The following OGFRL1 variants were observed in gnomAD, a reference collection of about 807,000 sequenced individuals.
OGFRL1 encodes opioid growth factor receptor like 1, also known as opioid growth factor receptor-like protein 1.
OGFRL1 carries 26 observed loss-of-function variants against 32.4 expected under a neutral mutation model. That is an observed-to-expected ratio of 0.80 (90% confidence interval 0.59 to 1.11). OGFRL1 has a LOEUF of 1.11. OGFRL1 is among the 50% of genes most tolerant of loss of function. OGFRL1 has a pLI of 0.00. For missense variants in OGFRL1, 521 were observed against 546.4 expected, an observed-to-expected ratio of 0.95 and a Z score of 0.46; for synonymous variants, 211 against 201.2, an observed-to-expected ratio of 1.05 and a Z score of -0.41.
rs1766546642 is a variant in OGFRL1 at position 71,306,195 on chromosome 6, G to A, written c.*4146G>A. The A allele has an allele frequency of 6.6e-6, 1 of 152,160 alleles. No homozygotes were observed. Among genetic ancestry groups the A allele is most frequent in the African/African-American group, 2.4e-5 (1 of 41,442 alleles). The allele number at this position is 152,160 out of a possible 1,614,324, so 9.4% of individuals were successfully genotyped here. The stretch of plus-strand genomic sequence containing the variant: ...TTTAGACACACTAGAATCATTAAAT[G>A]TAGGTGAAGTTGTAGAGAAAAATGG... On this transcript the variant is annotated 3_prime_UTR_variant, in exon 7 of 7. Coordinates refer to ENST00000370435, the MANE Select transcript of OGFRL1 (RefSeq NM_024576.5).
In OGFRL1 at chr6:71,293,395, G is replaced by A. The variant is rs1766107480; in HGVS notation, c.321+16G>A. The A allele has an allele frequency of 6.2e-7, 1 of 1,608,120 alleles. No individual in the cohort carries two copies. Among genetic ancestry groups the A allele is most frequent in the South Asian group, 1.1e-5 (1 of 90,056 alleles). ...CCAGTACCCAGTAAGAGTATAGAAT[G>A]CTATGTTTTAAACTGTAAACTATTT... On this transcript the variant is annotated intron_variant, in intron 2 of 6. Coordinates refer to ENST00000370435, the MANE Select transcript of OGFRL1 (RefSeq NM_024576.5).
At position 71,308,601 on chromosome 6, in the gene OGFRL1, G is replaced by T. The variant is rs547144617; in HGVS notation, c.*6552G>T. ...GTATGAATTACAGAATGCTGTGCAT[G>T]TTCGTTAGTACCAATACCATGTGTA... On this transcript the variant is annotated 3_prime_UTR_variant, in exon 7 of 7. Coordinates refer to ENST00000370435, the MANE Select transcript of OGFRL1 (RefSeq NM_024576.5). The T allele has an allele frequency of 2.0e-5, 3 of 152,134 alleles. No individual in the cohort carries two copies. Among genetic ancestry groups the T allele is most frequent in the Admixed American group, 1.3e-4 (2 of 15,264 alleles). The allele number at this position is 152,134 out of a possible 1,614,324, so 9.4% of individuals were successfully genotyped here.
At position 71,308,844 on chromosome 6, in the gene OGFRL1, G is replaced by A. The variant is rs762545504; in HGVS notation, c.*6795G>A. On this transcript the variant is annotated 3_prime_UTR_variant, in exon 7 of 7. Coordinates refer to ENST00000370435, the MANE Select transcript of OGFRL1 (RefSeq NM_024576.5). Reference sequence around the variant, plus strand: ...AGAACTATTGCCAAATATACATCCTGTAAAACTAATAAAAGCCACTCCATC... The same window carrying A: ...AGAACTATTGCCAAATATACATCCTATAAAACTAATAAAAGCCACTCCATC... 1 of 151,862 alleles carries A rather than the reference G, an allele frequency of 6.6e-6. No homozygotes were observed. The highest frequency in any genetic ancestry group is 1.5e-5 in the Non-Finnish European group (1 of 67,962). The allele number at this position is 151,862 out of a possible 1,614,324, so 9.4% of individuals were successfully genotyped here.
intron 6 of OGFRL1, 25 bp from the exon 7 acceptor site, chr6:71,301,361 C>T: frequency 6.6e-7 from 1 of 1,523,500 alleles, no homozygotes; most frequent in South Asian, 1.3e-5. Flanking sequence ...TTCCCCCACT[C>T]ATTTTATTCA....
At position 71,303,382 on chromosome 6, in the gene OGFRL1, G is replaced by A. The variant is rs1381103872; in HGVS notation, c.*1333G>A. 2 of 152,126 alleles carry A rather than the reference G, an allele frequency of 1.3e-5. No individual in the cohort carries two copies. Among genetic ancestry groups the A allele is most frequent in the East Asian group, 3.9e-4 (2 of 5,192 alleles). The allele number at this position is 152,126 out of a possible 1,614,324, so 9.4% of individuals were successfully genotyped here. On this transcript the variant is annotated 3_prime_UTR_variant, in exon 7 of 7. Transcript: ENST00000370435. ...AACAGAGTGGGACTTCTAATTGTAT[G>A]ACTTCAAGATTTTGCTTTGTTTAAA...
intron 1 of OGFRL1, among the ~76,000 whole-genome samples, chr6:71,290,481 A>G (rs1766013186): frequency 6.6e-6 from 1 of 152,234 alleles, no homozygotes; most frequent in Non-Finnish European, 1.5e-5. Flanking sequence ...GCTAAGATTC[A>G]ATCCAACTAA....
intron 1 of OGFRL1, among the ~76,000 whole-genome samples, chr6:71,290,093 TAAG>T (rs1766001978): frequency 6.6e-6 from 1 of 152,116 alleles, no homozygotes; most frequent in Non-Finnish European, 1.5e-5. Context: ...TCTATTTAGG[TAAG>T]GAGGAAATCA....
chr6:71,293,710 C>G lies in OGFRL1; in HGVS notation c.400+99C>G, dbSNP rs1766119701. 3 of 815,074 alleles carry G rather than the reference C, an allele frequency of 3.7e-6. No individual in the cohort carries two copies. In the African/African-American group the frequency reaches 5.1e-5, roughly 14 times the overall value. 50.5% of individuals were successfully genotyped at this position (815,074 alleles called of 1,614,324 possible). ...TGTTTCATTGATTGGATTTACTTTG[C>G]TATGCAGTCTAATGTGTCCCCTTGG... On this transcript the variant is annotated intron_variant, in intron 3 of 6. Transcript: ENST00000370435.
intron 1 of OGFRL1, chr6:71,289,808 A>T (rs1226993465): frequency 1.0e-6 from 1 of 985,196 alleles, no homozygotes; most frequent in East Asian, 1.1e-4. Flanking sequence ...AGCTTGGAGG[A>T]GAGGTTAGTC....
rs1561956953 is a variant in OGFRL1 at position 71,308,376 on chromosome 6, A to G, written c.*6327A>G. 6.6e-6 allele frequency: 1 copy of G among 152,348 alleles called. No homozygotes were observed. The allele number at this position is 152,348 out of a possible 1,614,324, so 9.4% of individuals were successfully genotyped here. A position where few individuals can be genotyped will look rare whatever the true frequency, so the allele number is the denominator to read the frequency against. On this transcript the variant is annotated 3_prime_UTR_variant, in exon 7 of 7. Transcript: ENST00000370435. ...TAAAAAGGGCTTTAAGTTGTTTCCT[A>G]TGTAAGGTAATCTTTCTTTTTTAGT...
Position 71,296,579 on chromosome 6 carries a change from C to T in OGFRL1, c.546+18C>T, listed in dbSNP as rs1362183786. On this transcript the variant is annotated intron_variant, in intron 5 of 6. Transcript: ENST00000370435. ...AAATTGAGGTAATGCAAGCTCATTT[C>T]ATTTTATACAGGGTGGCCAAATAAT... is the stretch of plus-strand genomic sequence containing the variant. 6.2e-7 allele frequency: 1 copy of T among 1,609,946 alleles called. No individual in the cohort carries two copies. Among genetic ancestry groups the T allele is most frequent in the East Asian group, 2.2e-5 (1 of 44,814 alleles).
intron 3 of OGFRL1, among the ~76,000 whole-genome samples, chr6:71,294,820 T>C (rs1711801844): frequency 1.3e-5 from 2 of 152,182 alleles, no homozygotes; most frequent in Non-Finnish European, 2.9e-5. Flanking sequence ...CAATGATAGA[T>C]TGTTAATTTG....
At chr6:71,301,357 C>T in intron 6 of OGFRL1, 29 bp from the exon 7 acceptor site, 6 of 1,509,102 alleles carry the variant, frequency 4.0e-6, no homozygotes, top group Non-Finnish European at 5.3e-6. Context: ...TGATTTCCCC[C>T]ACTCATTTTA....
rs1276602046 is a variant in OGFRL1 at position 71,308,964 on chromosome 6, T to TC, written c.*6917dup. ...AACTAGAAAAAATGACTTGCTGTTTTCCTGTCATTAAGCATGTATTTTTTA... is the reference window on the plus strand; with the variant it reads ...AACTAGAAAAAATGACTTGCTGTTTTCCCTGTCATTAAGCATGTATTTTTTA... On this transcript the variant is annotated 3_prime_UTR_variant, in exon 7 of 7. Transcript: ENST00000370435. 1 of 152,194 alleles carries TC rather than the reference T, an allele frequency of 6.6e-6. No homozygotes were observed. The highest frequency in any genetic ancestry group is 2.4e-5 in the African/African-American group (1 of 41,460). 9.4% of individuals were successfully genotyped at this position (152,194 alleles called of 1,614,324 possible). A position where few individuals can be genotyped will look rare whatever the true frequency, so the allele number is the denominator to read the frequency against.
intron 6 of OGFRL1, among the ~76,000 whole-genome samples, chr6:71,299,655 G>A (rs1332666692): frequency 6.6e-6 from 1 of 152,096 alleles, no homozygotes; most frequent in Non-Finnish European, 1.5e-5. Context: ...ATATGAGGCA[G>A]AATTGCCCAA....
chr6:71,298,323 C>T (rs1011145956), intron 6 of OGFRL1, among the ~76,000 whole-genome samples: 17 of 152,068 alleles, frequency 1.1e-4, no homozygotes, highest in African/African-American at 4.1e-4. Flanking sequence ...AGCCTATTGA[C>T]ATGAAAGACA....
rs1215743669 is a variant in OGFRL1, at chr6:71,308,455, G to C, written c.*6406G>C. On this transcript the variant is annotated 3_prime_UTR_variant, in exon 7 of 7. Transcript: ENST00000370435. The stretch of plus-strand genomic sequence containing the variant: ...CATTTTGGAAACTATTGTGTCCCTT[G>C]TATTTTAAATATTTCAGGAAAATGC... The C allele has an allele frequency of 6.6e-6, 1 of 152,142 alleles. No homozygotes were observed. Among genetic ancestry groups the C allele is most frequent in the African/African-American group, 2.4e-5 (1 of 41,446 alleles). The allele number at this position is 152,142 out of a possible 1,614,324, so 9.4% of individuals were successfully genotyped here. A position where few individuals can be genotyped will look rare whatever the true frequency, so the allele number is the denominator to read the frequency against.
At position 71,304,898 on chromosome 6, in the gene OGFRL1, C is replaced by T. The variant is rs946096704; in HGVS notation, c.*2849C>T. 6.6e-6 allele frequency: 1 copy of T among 151,986 alleles called. No homozygotes were observed. Among genetic ancestry groups the T allele is most frequent in the Non-Finnish European group, 1.5e-5 (1 of 67,904 alleles). The allele number at this position is 151,986 out of a possible 1,614,324, so 9.4% of individuals were successfully genotyped here. ...GGATATCATTCCTTTTGGAGATAAA[C>T]ATTGAGTGTCTAGAATTTTTTTCTA... On this transcript the variant is annotated 3_prime_UTR_variant, in exon 7 of 7. Coordinates refer to ENST00000370435, the MANE Select transcript of OGFRL1 (RefSeq NM_024576.5).
At chr6:71,297,977 C>T (rs564195754) in intron 6 of OGFRL1, among the ~76,000 whole-genome samples, 181 of 131,814 alleles carry the variant, frequency 1.4e-3, no homozygotes, top group African/African-American at 4.9e-3. Context: ...CAACAGACCC[C>T]GGTGTGTGAT....
Sources: allele counts gnomAD v4.1 joint callset (sites outside exome capture counted in the v4.1 genomes callset), GRCh38; gene constraint gnomAD v4.1.1; transcripts MANE v1.5; gene names NCBI Gene and HGNC (gene_info 2026-07-23, HGNC 2026-07-21).